PRKG1: variants seen among roughly 807,000 people sequenced by gnomAD.
PRKG1 encodes the protein cGMP-dependent protein kinase 1.
Under a neutral mutation model 88.1 loss-of-function variants are expected in PRKG1, and 35 were observed. The ratio of observed to expected loss-of-function variants is 0.40; its 90% CI spans 0.30 to 0.53. PRKG1 has a LOEUF of 0.53. Among genes scored for constraint, PRKG1 ranks in the 20% least tolerant of loss-of-function variants. PRKG1 has a pLI of 0.59. For missense variants in PRKG1, 540 were observed against 839.8 expected (o/e 0.64, Z 4.41); for synonymous variants, 303 against 292.5 (o/e 1.04, Z -0.37).
intron 7 of PRKG1, among the ~76,000 whole-genome samples, chr10:52,086,802 T>C (rs61849902): frequency 1.4e-3 from 213 of 152,224 alleles, no homozygotes; most frequent in Middle Eastern, 3.4e-3. Context: ...CTAAACTGGG[T>C]AATTTATAAA....
intron 7 of PRKG1, among the ~76,000 whole-genome samples, chr10:52,118,788 A>C (rs1352098313): frequency 1.3e-5 from 2 of 152,106 alleles, no homozygotes; most frequent in Non-Finnish European, 2.9e-5. Flanking sequence ...TGATAAAGTC[A>C]CTAAAAATTT....
rs1841323826 is a variant in PRKG1 at position 51,877,339 on chromosome 10, C to A, written c.699-30168C>A. 2.0e-5 allele frequency among the ~76,000 whole-genome samples: 3 copies of A among 152,088 alleles called. No individual in the cohort carries two copies. In the South Asian group the frequency reaches 6.2e-4, roughly 31 times the overall value. On this transcript the variant is annotated intron_variant, in intron 4 of 17. Coordinates refer to ENST00000373980, the MANE Select transcript of PRKG1 (RefSeq NM_006258.4). The stretch of plus-strand genomic sequence containing the variant: ...TTCTCACCTAAACAACTTTAAACAA[C>A]CCGATAAGCTTTATTTTCAGATTTT...
chr10:51,422,823 C>T (rs982063745), intron 2 of PRKG1, among the ~76,000 whole-genome samples: 1 of 152,046 alleles, frequency 6.6e-6, no homozygotes, highest in Non-Finnish European at 1.5e-5. Flanking sequence ...TCATGATTGC[C>T]TTTATCTGAT....
chr10:51,891,723 T>G (rs1353339493), intron 4 of PRKG1, among the ~76,000 whole-genome samples: 4 of 152,214 alleles, frequency 2.6e-5, no homozygotes, highest in Non-Finnish European at 5.9e-5. Context: ...GCAACGCAAC[T>G]ACTCACCTCT....
At chr10:51,088,400 T>TG (rs1844309237) in intron 1 of PRKG1, among the ~76,000 whole-genome samples, 1 of 151,774 alleles carries the variant, frequency 6.6e-6, no homozygotes, top group African/African-American at 2.4e-5. Context: ...CAGTTTTTTT[T>TG]TTTTTTTTGG....
At chr10:51,953,759 G>A (rs7073794) in intron 5 of PRKG1, among the ~76,000 whole-genome samples, 54,287 of 151,734 alleles carry the variant, frequency 0.36, 10,233 homozygotes, top group East Asian at 0.65. Flanking sequence ...CAACAAAAAC[G>A]TAAGTGGTGT....
chr10:52,153,991 C>T (rs371183773), intron 8 of PRKG1, among the ~76,000 whole-genome samples: 9 of 152,156 alleles, frequency 5.9e-5, no homozygotes, highest in South Asian at 2.1e-4. Flanking sequence ...GTGATCCACC[C>T]GTCTTGGCCT....
At chr10:51,004,100 C>CT (rs1349812371) in intron 1 of PRKG1, among the ~76,000 whole-genome samples, 2 of 152,038 alleles carry the variant, frequency 1.3e-5, no homozygotes, top group African/African-American at 4.8e-5. Flanking sequence ...TAATATTTGA[C>CT]TTTTTTAGTT....
At chr10:52,266,257 T>C (rs1273145247) in intron 10 of PRKG1, among the ~76,000 whole-genome samples, 1 of 151,874 alleles carries the variant, frequency 6.6e-6, no homozygotes, top group African/African-American at 2.4e-5. Context: ...AGGATGTGCA[T>C]GTTTGTTACA....
chr10:52,160,370 T>C (rs958507677), intron 8 of PRKG1, among the ~76,000 whole-genome samples: 24 of 152,166 alleles, frequency 1.6e-4, no homozygotes, highest in Admixed American at 5.2e-4. Flanking sequence ...TATTTGTCTA[T>C]TTAACAATCA....
At chr10:51,698,283 TG>T in intron 3 of PRKG1, 1 of 1,614,132 alleles carries the variant, frequency 6.2e-7, no homozygotes, top group Non-Finnish European at 8.5e-7. Context: ...TCAGTTTCCA[TG>T]GCACGAGTCT....
intron 2 of PRKG1, among the ~76,000 whole-genome samples, chr10:51,164,237 C>T (rs547567939): frequency 2.6e-5 from 4 of 152,316 alleles, no homozygotes; most frequent in South Asian, 2.1e-4. Context: ...ATTCACGGTT[C>T]ACGAAAATCC....
At chr10:51,898,924 A>C (rs1481550061) in intron 4 of PRKG1, among the ~76,000 whole-genome samples, 1 of 152,212 alleles carries the variant, frequency 6.6e-6, no homozygotes, top group Non-Finnish European at 1.5e-5. Flanking sequence ...GTATTATAAG[A>C]ATATATTTAC....
chr10:51,042,823 G>A (rs2132760143), intron 1 of PRKG1, among the ~76,000 whole-genome samples: 1 of 152,264 alleles, frequency 6.6e-6, no homozygotes. Context: ...GTGGCGTCAT[G>A]AGGAAGGAGC....
At chr10:51,910,363 AT>A (rs1589413576) in intron 5 of PRKG1, 1 of 152,132 alleles carries the variant, frequency 6.6e-6, no homozygotes, top group East Asian at 1.9e-4. Flanking sequence ...AGAGAAAAGG[AT>A]CTGTCTCTTT....
intron 5 of PRKG1, among the ~76,000 whole-genome samples, chr10:52,021,515 A>G (rs1845183965): frequency 6.6e-6 from 1 of 152,232 alleles, no homozygotes; most frequent in South Asian, 2.1e-4. Flanking sequence ...GATGTTCAAC[A>G]TTACTATTAA....
chr10:51,919,682 T>G (rs1383906180), intron 5 of PRKG1, among the ~76,000 whole-genome samples: 2 of 152,106 alleles, frequency 1.3e-5, no homozygotes, highest in African/African-American at 4.8e-5. Context: ...CCACCTTTTT[T>G]TTTTAAAGTG....
chr10:51,037,821 A>G (rs1843370557), intron 1 of PRKG1, among the ~76,000 whole-genome samples: 1 of 152,144 alleles, frequency 6.6e-6, no homozygotes, highest in African/African-American at 2.4e-5. Context: ...GGCCACAAGT[A>G]TTTCATAATT....
At chr10:51,939,323 A>AT (rs1842857280) in intron 5 of PRKG1, among the ~76,000 whole-genome samples, 1 of 152,030 alleles carries the variant, frequency 6.6e-6, no homozygotes, top group East Asian at 1.9e-4. Flanking sequence ...CCAAATTGAG[A>AT]ATCCTTCTGC....
Sources: allele counts gnomAD v4.1 joint callset (sites outside exome capture counted in the v4.1 genomes callset), GRCh38; gene constraint gnomAD v4.1.1; transcripts MANE v1.5; gene names NCBI Gene and HGNC (gene_info 2026-07-23, HGNC 2026-07-21).